Variants in C16orf46 observed in about 807,000 individuals in gnomAD.
The protein encoded by C16orf46 is chromosome 16 open reading frame 46.
A neutral mutation model predicts 5.5 loss-of-function variants in C16orf46; 7 were observed. The observed-to-expected ratio is 1.28, with a 90% CI of 0.73 to 2.40. The LOEUF (loss-of-function observed/expected upper bound fraction) is 2.40, where lower values mean the gene tolerates loss of function less well. Ranked by LOEUF, C16orf46 falls within the 30% of genes most tolerant of loss-of-function variation. The pLI is 0.00. For missense variants in C16orf46, 614 were observed against 476.0 expected, an observed-to-expected ratio of 1.29 and a Z score of -2.70; for synonymous variants, 200 against 184.1, an observed-to-expected ratio of 1.09 and a Z score of -0.70.
intron 1 of C16orf46, among the ~76,000 whole-genome samples, chr16:81,068,255 G>A (rs183621822): frequency 1.2e-4 from 18 of 152,302 alleles, no homozygotes; most frequent in Non-Finnish European, 1.5e-5. Context: ...AAAGACAACG[G>A]TTAAGCTATC....
At chr16:81,063,301 G>T (rs887466226) in intron 3 of C16orf46, among the ~76,000 whole-genome samples, 2 of 146,510 alleles carry the variant, frequency 1.4e-5, no homozygotes, top group African/African-American at 5.1e-5. Flanking sequence ...CATTAGGAAA[G>T]AAGCCTCAGT....
At chr16:81,072,621 T>C (rs4889224) in intron 1 of C16orf46, among the ~76,000 whole-genome samples, 1 of 152,192 alleles carries the variant, frequency 6.6e-6, no homozygotes, top group Non-Finnish European at 1.5e-5. Context: ...CGACCTCAGG[T>C]GATCCGCCAG....
downstream of C16orf46, among the ~76,000 whole-genome samples, chr16:81,056,964 C>T (rs1217274640): frequency 6.6e-6 from 1 of 152,178 alleles, no homozygotes; most frequent in Non-Finnish European, 1.5e-5. Context: ...CAGCGGTTCT[C>T]AGCTAGGGTG....
rs754151927 is a variant in C16orf46, at chr16:81,061,759, A to G, written c.590T>C (p.Leu197Pro). The G allele has an allele frequency of 6.2e-7, 1 of 1,613,866 alleles. No homozygotes were observed. The highest frequency in any genetic ancestry group is 1.1e-5 in the South Asian group (1 of 91,078). The change falls in exon 4 of 4, where the codon CTG becomes CCG. Residue 197 changes from leucine (L) to proline (P), a missense_variant. Physicochemically the swap from Leu to Pro is moderately conservative, Grantham distance 98. Coordinates refer to ENST00000299578, the MANE Select transcript of C16orf46 (RefSeq NM_152337.3). ...GGAAGTCAGGGGGCCTGGGATGGAC[A>G]GCCCTCTGTGGGCCCCTCCACTGGG... Reference protein sequence around the residue: ...GNPSGGAHRGLSIPGPLTSRA... With the variant: ...GNPSGGAHRGPSIPGPLTSRA...
intron 1 of C16orf46, among the ~76,000 whole-genome samples, chr16:81,069,680 AC>A (rs1971779085): frequency 6.6e-6 from 1 of 152,170 alleles, no homozygotes; most frequent in Non-Finnish European, 1.5e-5. Context: ...AAAGAAAATA[AC>A]CCATATCTAC....
intron 3 of C16orf46, among the ~76,000 whole-genome samples, chr16:81,054,278 C>CA (rs1345575273): frequency 1.7e-4 from 2 of 11,804 alleles, no homozygotes; most frequent in Non-Finnish European, 7.2e-4. Flanking sequence ...ACAACAACAA[C>CA]AACAAAAAAA....
chr16:81,068,171 T>C (rs1309081697), intron 1 of C16orf46, among the ~76,000 whole-genome samples: 2 of 152,220 alleles, frequency 1.3e-5, no homozygotes, highest in Non-Finnish European at 2.9e-5. Context: ...TTGTTATACG[T>C]CCGGCAAAGT....
rs536027865 is a variant in C16orf46 at position 81,062,052 on chromosome 16, G to T, written c.297C>A (p.Cys99Ter). Residue 99 changes from cysteine to a stop codon, truncating the protein, a stop_gained, in exon 4 of 4, where the codon TGC (cysteine) becomes TGA (stop). Transcript: ENST00000299578. LOFTEE classifies it low-confidence loss of function (END_TRUNC). ...GGTTAACACACACCAAGCAGTCGCTGCAGGCACCTTCCCCTACCCTCGCCT... is the reference window on the plus strand; with the variant it reads ...GGTTAACACACACCAAGCAGTCGCTTCAGGCACCTTCCCCTACCCTCGCCT... ...PKKARVGEGACSDCLVCVNLS... is the reference protein window; with the variant it reads ...PKKARVGEGA 6.2e-7 allele frequency: 1 copy of T among 1,613,154 alleles called. No homozygotes were observed. The highest frequency in any genetic ancestry group is 1.3e-5 in the African/African-American group (1 of 75,034).
chr16:81,075,825 C>T (rs1041321866), intron 1 of C16orf46, among the ~76,000 whole-genome samples: 8 of 152,112 alleles, frequency 5.3e-5, no homozygotes, highest in Non-Finnish European at 1.2e-4. Flanking sequence ...CCATTAAGGG[C>T]AGGGGAATGT....
chr16:81,060,155 G>T (rs1414543621), downstream of C16orf46, among the ~76,000 whole-genome samples: 1 of 152,020 alleles, frequency 6.6e-6, no homozygotes, highest in Non-Finnish European at 1.5e-5. Flanking sequence ...AAAACTTCCA[G>T]ACACAGAGAT....
At chr16:81,062,394 T>C (rs568594148) in intron 3 of C16orf46, among the ~76,000 whole-genome samples, 4 of 152,354 alleles carry the variant, frequency 2.6e-5, no homozygotes, top group South Asian at 2.1e-4. Context: ...GTATTTGTAA[T>C]AGTATTTGTT....
chr16:81,054,095 C>T lies in C16orf46; in HGVS notation c.1144-1G>A, dbSNP rs1159313190. 18 of 1,612,294 alleles carry T rather than the reference C, an allele frequency of 1.1e-5. No homozygotes were observed. The highest frequency in any genetic ancestry group is 1.5e-5 in the Non-Finnish European group (18 of 1,178,796). On this transcript the variant is annotated splice_acceptor_variant, in intron 3 of 3. Transcript: ENST00000378611. LOFTEE classifies it high-confidence loss of function. ...CCTACTTTATCTTCTTTTTCCTGTG[C>T]TGTAACGAGAAATTTAATGACTTCA...
chr16:81,067,139 A>G (rs934903618), intron 1 of C16orf46, among the ~76,000 whole-genome samples: 7 of 152,228 alleles, frequency 4.6e-5, no homozygotes, highest in African/African-American at 1.7e-4. Flanking sequence ...GGTGAATGAG[A>G]GCCTAAAAAA....
chr16:81,076,891 T>C (rs1446830484), intron 1 of C16orf46: 1 of 152,354 alleles, frequency 6.6e-6, no homozygotes, highest in Non-Finnish European at 1.5e-5. Context: ...CGTTCTGGAT[T>C]GCCCGTTCGA....
chr16:81,061,231 G>T lies in C16orf46; in HGVS notation c.1118C>A (p.Pro373Gln). ...RPQMLETKVFPRPVLPSLTVS... is the reference protein window; with the variant it reads ...RPQMLETKVFQRPVLPSLTVS... ...TGTGAGAGACGGCAAGACAGGTCTT[G>T]GGAAAACTTTGGTCTCCAGCATTTG... Residue 373 changes from proline (P) to glutamine (Q), a missense_variant, in exon 4 of 4, where the codon CCA (proline) becomes CAA (glutamine). Transcript: ENST00000299578. 6.2e-7 allele frequency: 1 copy of T among 1,614,102 alleles called. No individual in the cohort carries two copies. Among genetic ancestry groups the T allele is most frequent in the Non-Finnish European group, 8.5e-7 (1 of 1,180,012 alleles).
exon 4 of C16orf46, chr16:81,053,635 C>A: frequency 6.4e-6 from 1 of 155,442 alleles, no homozygotes; most frequent in East Asian, 1.9e-4. Context: ...ACTTTTCATA[C>A]TTTACTTGGA....
chr16:81,055,586 AG>A (rs1296721361), intron 3 of C16orf46: 2 of 152,058 alleles, frequency 1.3e-5, no homozygotes, highest in African/African-American at 4.8e-5. Flanking sequence ...GCCAGCTACT[AG>A]GGAGGCTATG....
intron 3 of C16orf46, chr16:81,055,582 T>A (rs1971272162): frequency 6.6e-6 from 1 of 151,862 alleles, no homozygotes; most frequent in African/African-American, 2.4e-5. Flanking sequence ...TACAGCCAGC[T>A]ACTAGGGAGG....
intron 3 of C16orf46, among the ~76,000 whole-genome samples, chr16:81,054,877 A>C (rs1244204351): frequency 6.6e-6 from 1 of 152,030 alleles, no homozygotes. Flanking sequence ...CGAACTCCTG[A>C]CCTCAAGTGA....
Sources: allele counts gnomAD v4.1 joint callset (sites outside exome capture counted in the v4.1 genomes callset), GRCh38; gene constraint gnomAD v4.1.1; transcripts MANE v1.5; gene names NCBI Gene and HGNC (gene_info 2026-07-23, HGNC 2026-07-21).